KDM5C: variants seen among roughly 807,000 people sequenced by gnomAD.
KDM5C encodes lysine demethylase 5C.
Under a neutral mutation model 110.6 loss-of-function variants are expected in KDM5C, and 16 were observed. That is an observed-to-expected ratio of 0.14 (90% CI 0.10 to 0.22). The LOEUF (loss-of-function observed/expected upper bound fraction) is 0.22, where lower values mean the gene tolerates loss of function less well. Ranked by LOEUF, KDM5C falls within the 10% of genes least tolerant of loss-of-function variation. The pLI, the probability that KDM5C is intolerant of heterozygous loss-of-function variation, is 1.00. For missense variants in KDM5C, 681 were observed against 1,300.9 expected (o/e 0.52, Z 7.33); for synonymous variants, 511 against 520.4 (o/e 0.98, Z 0.24).
rs1395407301 is a variant in KDM5C at position 53,197,682 on chromosome X, C to CT, written c.2622+88dup. The stretch of plus-strand genomic sequence containing the variant: ...ACGTGTGTCCTGTCTTGCCTGAACA[C>CT]TTTAAGCTTTTGAAAGGAGCCAAGC... On this transcript the variant is annotated intron_variant, in intron 18 of 25. Coordinates refer to ENST00000375401, the MANE Select transcript of KDM5C (RefSeq NM_004187.5). 23 of 746,171 alleles carry CT rather than the reference C, an allele frequency of 3.1e-5. No homozygotes were observed. In the African/African-American group the frequency reaches 4.2e-4, roughly 14 times the overall value. The allele number at this position is 746,171 out of a possible 1,213,427, so 61.5% of individuals were successfully genotyped here.
rs1272562986 is a variant in KDM5C, at chrX:53,193,002, G to T, written c.4648C>A (p.Pro1550Thr). The T allele has an allele frequency of 5.9e-6, 7 of 1,182,285 alleles. No individual in the cohort carries two copies. The highest frequency in any genetic ancestry group is 7.9e-6 in the Non-Finnish European group (7 of 880,654). Residue 1550 changes from proline to threonine, a missense_variant, in exon 26 of 26, where the codon CCC (proline) becomes ACC (threonine). This residue lies in a region of KDM5C where 115 missense variants were observed against 120.9 expected (regional missense o/e 0.95). Transcript: ENST00000375401. ...TGCTGAGGCGGCTGCTGTGGGCAGG[G>T]CAGATGCAGCCGGGGAGTCAGAGTG... ...FSTLTPRLHLPCPQQPPQQQL is the reference protein window; with the variant it reads ...FSTLTPRLHLTCPQQPPQQQL
rs782607291 is a variant in KDM5C at position 53,194,130 on chromosome X, G to A, written c.4038+9C>T. ...AATCTGAGGACAAGAGCTGGGCTGA[G>A]TAGCTCACCTTAGGCATATCCTTGC... On this transcript the variant is annotated intron_variant, in intron 23 of 25. Transcript: ENST00000375401. The A allele has an allele frequency of 1.7e-6, 2 of 1,190,928 alleles. No homozygotes were observed. Among genetic ancestry groups the A allele is most frequent in the Non-Finnish European group, 2.3e-6 (2 of 885,104 alleles).
At chrX:53,222,102 G>A (rs1173221859) in intron 1 of KDM5C, among the ~76,000 whole-genome samples, 11 of 110,948 alleles carry the variant, frequency 9.9e-5, no homozygotes, top group African/African-American at 3.3e-4. Flanking sequence ...AGTTAGTGGT[G>A]GGGCCAAGAA....
chrX:53,221,926 C>T, intron 1 of KDM5C: 1 of 284,764 alleles, frequency 3.5e-6, no homozygotes, highest in Non-Finnish European at 6.8e-6. Context: ...AACCCCCTCT[C>T]CAACACCCCT....
At position 53,220,921 on chromosome X, in the gene KDM5C, G is replaced by A. The variant is rs1556854390; in HGVS notation, c.151-5C>T. On this transcript the variant is annotated splice_region_variant and splice_polypyrimidine_tract_variant and intron_variant, in intron 1 of 25. Coordinates refer to ENST00000375401, the MANE Select transcript of KDM5C (RefSeq NM_004187.5). The stretch of plus-strand genomic sequence containing the variant: ...AGCAAAGGGTGGCTGCCAGTCCTGA[G>A]AGGGTAGAGAGGGGAAAGGGACTTG... The A allele has an allele frequency of 8.4e-7, 1 of 1,194,358 alleles. No homozygotes were observed. Among genetic ancestry groups the A allele is most frequent in the South Asian group, 1.8e-5 (1 of 56,552 alleles).
intron 2 of KDM5C, chrX:53,218,645 G>T: frequency 2.2e-6 from 1 of 456,078 alleles, no homozygotes. Context: ...GTGCAATCAC[G>T]GCTGACTGTA....
chrX:53,213,300 T>C (rs1024994727), intron 8 of KDM5C, among the ~76,000 whole-genome samples: 7 of 111,960 alleles, frequency 6.3e-5, no homozygotes, highest in African/African-American at 2.3e-4. Flanking sequence ...CCTCCCCAAC[T>C]AGAATCTCCA....
intron 12 of KDM5C, among the ~76,000 whole-genome samples, chrX:53,208,471 CTT>C (rs2073434447): frequency 1.1e-5 from 1 of 94,331 alleles, no homozygotes; most frequent in Non-Finnish European, 2.1e-5. Flanking sequence ...ATATATGCCT[CTT>C]AGCTACCCAA....
chrX:53,208,310 A>T (rs1173697071), intron 12 of KDM5C, among the ~76,000 whole-genome samples: 1 of 108,050 alleles, frequency 9.3e-6, no homozygotes, highest in East Asian at 2.9e-4. Flanking sequence ...AGGTGTAAGC[A>T]AAAAGCACGT....
Position 53,192,864 on chromosome X carries a change from C to CT in KDM5C, c.*102_*103insA, listed in dbSNP as rs782372607. The CT allele has an allele frequency of 1.1e-5, 9 of 797,215 alleles. No individual in the cohort carries two copies. The South Asian group carries it at 2.3e-4, about 21-fold the overall frequency. The allele number at this position is 797,215 out of a possible 1,213,427, so 65.7% of individuals were successfully genotyped here. A position where few individuals can be genotyped will look rare whatever the true frequency, so the allele number is the denominator to read the frequency against. On this transcript the variant is annotated 3_prime_UTR_variant, in exon 26 of 26. Transcript: ENST00000375401. ...TGGGCGGGTAGCAGGGATGGCCACC[C>CT]CCCTACCCGCCCACCCCCCAAGAAG...
At chrX:53,204,645 C>T (rs371490564) in intron 12 of KDM5C, among the ~76,000 whole-genome samples, 6 of 111,154 alleles carry the variant, frequency 5.4e-5, no homozygotes, top group East Asian at 2.8e-4. Context: ...TACAGGCATC[C>T]GCCACCATGC....
intron 25 of KDM5C, among the ~76,000 whole-genome samples, chrX:53,179,427 A>G (rs782664589): frequency 5.4e-5 from 6 of 111,264 alleles, no homozygotes; most frequent in Non-Finnish European, 9.4e-5. Flanking sequence ...TTTAAGACAC[A>G]TAAATAACTC....
intron 12 of KDM5C, among the ~76,000 whole-genome samples, chrX:53,207,117 CA>C (rs1324392357): frequency 2.3e-5 from 2 of 87,796 alleles, no homozygotes; most frequent in Non-Finnish European, 4.2e-5. Flanking sequence ...GCGGAGGTTG[CA>C]GTGAGCTGAG....
chrX:53,215,295 A>C, intron 7 of KDM5C: 6 of 322,809 alleles, frequency 1.9e-5, no homozygotes, highest in South Asian at 1.5e-4. Context: ...AACTGGCTGA[A>C]ACCTGAAGGC....
At chrX:53,190,734 G>A (rs968094652), downstream of KDM5C, among the ~76,000 whole-genome samples, 2 of 111,942 alleles carry the variant, frequency 1.8e-5, no homozygotes, top group Non-Finnish European at 3.8e-5. Context: ...GCAGGGCTGA[G>A]CCAGACCTTC....
chrX:53,192,998 C>A lies in KDM5C; in HGVS notation c.4652G>T (p.Cys1551Phe). ...CTGTTGCTGAGGCGGCTGCTGTGGG[C>A]AGGGCAGATGCAGCCGGGGAGTCAG... is the stretch of plus-strand genomic sequence containing the variant. Reference protein sequence around the residue: ...STLTPRLHLPCPQQPPQQQL With the variant: ...STLTPRLHLPFPQQPPQQQL The change falls in exon 26 of 26, where the codon TGC becomes TTC. Residue 1551 changes from cysteine to phenylalanine, a missense_variant. By Grantham distance (205) the Cys-to-Phe change is radical. Transcript: ENST00000375401. The A allele has an allele frequency of 8.5e-7, 1 of 1,182,416 alleles. No individual in the cohort carries two copies. Among genetic ancestry groups the A allele is most frequent in the Non-Finnish European group, 1.1e-6 (1 of 879,861 alleles).
At chrX:53,187,431 C>T (rs1439179671), downstream of KDM5C, among the ~76,000 whole-genome samples, 3 of 112,292 alleles carry the variant, frequency 2.7e-5, no homozygotes, top group Non-Finnish European at 5.6e-5. Flanking sequence ...CAGGCCTTGA[C>T]ATCTAATCAA....
rs1391142009 is a variant in KDM5C at position 53,194,629 on chromosome X, G to A, written c.3548C>T (p.Ser1183Phe). ...CCCACACACACAGATAGAGGTTGTA[G>A]AGGAGGCCGTGCTCGATGATGCCAG... ...SPLASSSTAS[S>F]TTSICVCGQV... The change falls in exon 23 of 26, where the codon TCT becomes TTT. Residue 1183 changes from serine (S) to phenylalanine (F), a missense_variant. By Grantham distance (155) the Ser-to-Phe change is radical. Around this residue, in one of 14 missense-constraint regions of KDM5C, gnomAD observed 48 missense variants for 59.7 expected, o/e 0.80. Transcript: ENST00000375401. 2 of 1,210,577 alleles carry A rather than the reference G, an allele frequency of 1.7e-6. No individual in the cohort carries two copies. Among genetic ancestry groups the A allele is most frequent in the Non-Finnish European group, 1.1e-6 (1 of 895,293 alleles).
Position 53,192,868 on chromosome X carries a change from T to TA in KDM5C, c.*98dup. On this transcript the variant is annotated 3_prime_UTR_variant, in exon 26 of 26. Transcript: ENST00000375401. ...CGGGTAGCAGGGATGGCCACCCCCC[T>TA]ACCCGCCCACCCCCCAAGAAGCAGG... 4.9e-5 allele frequency: 8 copies of TA among 163,397 alleles called. No individual in the cohort carries two copies. Among genetic ancestry groups the TA allele is most frequent in the South Asian group, 1.0e-4 (1 of 9,698 alleles). The allele number at this position is 163,397 out of a possible 1,213,427, so 13.5% of individuals were successfully genotyped here. A position where few individuals can be genotyped will look rare whatever the true frequency, so the allele number is the denominator to read the frequency against.
Sources: gnomAD v4.1 joint callset for allele counts (sites outside exome capture counted in the v4.1 genomes callset) on GRCh38, gnomAD v4.1.1 for gene constraint, gnomAD v4.1.1 regional missense constraint, MANE v1.5 for transcripts, NCBI Gene and HGNC (gene_info 2026-07-23, HGNC 2026-07-21) for gene names.